NPR3: variants seen among roughly 807,000 people sequenced by gnomAD.
NPR3 encodes natriuretic peptide receptor 3.
NPR3 carries 34 observed loss-of-function variants against 54.5 expected under a neutral mutation model. The observed-to-expected ratio is 0.62, with a 90% CI of 0.47 to 0.83. The LOEUF (loss-of-function observed/expected upper bound fraction) is 0.83. NPR3 is among the 40% of genes least tolerant of loss of function. The pLI is 0.00. For missense variants in NPR3, 674 were observed against 720.8 expected, an observed-to-expected ratio of 0.94 and a Z score of 0.74; for synonymous variants, 289 against 297.1, an observed-to-expected ratio of 0.97 and a Z score of 0.28.
At chr5:32,740,431 CA>C (rs1739978000) in intron 3 of NPR3, among the ~76,000 whole-genome samples, 1 of 152,132 alleles carries the variant, frequency 6.6e-6, no homozygotes, top group South Asian at 2.1e-4. Flanking sequence ...AAATGACATA[CA>C]AAGGTTCTTA....
chr5:32,765,246 T>C (rs1347052839), intron 3 of NPR3, among the ~76,000 whole-genome samples: 1 of 152,164 alleles, frequency 6.6e-6, no homozygotes, highest in Non-Finnish European at 1.5e-5. Context: ...ATTCAAGACA[T>C]GGTCAAGAGC....
At chr5:32,759,707 T>C (rs1741051115) in intron 3 of NPR3, among the ~76,000 whole-genome samples, 1 of 152,208 alleles carries the variant, frequency 6.6e-6, no homozygotes, top group Non-Finnish European at 1.5e-5. Flanking sequence ...GCATCAGTGG[T>C]CCTTACAATT....
chr5:32,691,732 C>T (rs186713216), intron 1 of NPR3, among the ~76,000 whole-genome samples: 6 of 152,258 alleles, frequency 3.9e-5, no homozygotes, highest in East Asian at 1.9e-4. Context: ...AAAATGCTCA[C>T]GTAAGTCTAA....
chr5:32,780,975 C>T (rs1742308533), intron 5 of NPR3, among the ~76,000 whole-genome samples, 159 bp downstream of exon 5: 1 of 152,170 alleles, frequency 6.6e-6, no homozygotes, highest in African/African-American at 2.4e-5. Flanking sequence ...AGGAAGACTT[C>T]AGGAAATGGT....
chr5:32,735,108 G>T (rs950000355), intron 2 of NPR3, among the ~76,000 whole-genome samples: 1 of 152,120 alleles, frequency 6.6e-6, no homozygotes, highest in East Asian at 1.9e-4. Context: ...CACCCAGCAC[G>T]GTCTCTAGTC....
intron 2 of NPR3, among the ~76,000 whole-genome samples, chr5:32,734,962 C>T (rs1024946491): frequency 1.3e-5 from 2 of 152,176 alleles, no homozygotes; most frequent in Non-Finnish European, 2.9e-5. Context: ...TCTGTTTCCT[C>T]TTACTCCTCT....
intron 1 of NPR3, among the ~76,000 whole-genome samples, chr5:32,723,856 T>A (rs1194954423): frequency 1.3e-5 from 2 of 151,786 alleles, no homozygotes; most frequent in Non-Finnish European, 2.9e-5. Flanking sequence ...TTCTCCCCTC[T>A]TCTCCCCTCC....
intron 3 of NPR3, among the ~76,000 whole-genome samples, chr5:32,747,534 C>T (rs1228332349): frequency 6.6e-6 from 1 of 151,980 alleles, no homozygotes; most frequent in African/African-American, 2.4e-5. Context: ...GCTTCTGTGC[C>T]TATGTAGTTC....
intron 3 of NPR3, among the ~76,000 whole-genome samples, chr5:32,757,796 C>T (rs1363621490): frequency 3.9e-5 from 6 of 152,018 alleles, no homozygotes; most frequent in Admixed American, 6.6e-5. Flanking sequence ...ATTTATTGAG[C>T]GTTTTTAGCA....
At chr5:32,786,069 C>T (rs1742600164) in intron 7 of NPR3, among the ~76,000 whole-genome samples, 165 bp from the exon 8 acceptor site, 1 of 152,188 alleles carries the variant, frequency 6.6e-6, no homozygotes, top group South Asian at 2.1e-4. Context: ...ATAAGGGCAC[C>T]ATGCCTGGGG....
chr5:32,759,205 G>C (rs890645474), intron 3 of NPR3, among the ~76,000 whole-genome samples: 1 of 152,146 alleles, frequency 6.6e-6, no homozygotes, highest in Non-Finnish European at 1.5e-5. Context: ...ACAGTGGGGT[G>C]TTAAAGTTTC....
At chr5:32,714,899 A>C (rs1174724574) in intron 1 of NPR3, among the ~76,000 whole-genome samples, 1 of 152,128 alleles carries the variant, frequency 6.6e-6, no homozygotes, top group Non-Finnish European at 1.5e-5. Context: ...ACTGCTATGA[A>C]ACCTCTGTAC....
rs915802421 is a variant in NPR3 at position 32,790,043 on chromosome 5, A to C, written c.*3698A>C. On this transcript the variant is annotated 3_prime_UTR_variant, in exon 8 of 8. Coordinates refer to ENST00000265074, the MANE Select transcript of NPR3 (RefSeq NM_001204375.2). ...CATTTCATGGGTTTTATTTAATCAC[A>C]CCCCATGGTTTGGGGCTACATGAGG... 20 of 217,810 alleles carry C rather than the reference A, an allele frequency of 9.2e-5. No homozygotes were observed. The highest frequency in any genetic ancestry group is 4.4e-4 in the African/African-American group (19 of 43,152). 13.5% of individuals were successfully genotyped at this position (217,810 alleles called of 1,614,324 possible). A position where few individuals can be genotyped will look rare whatever the true frequency, so the allele number is the denominator to read the frequency against.
intron 2 of NPR3, among the ~76,000 whole-genome samples, chr5:32,728,831 GTGTGTGTA>G (rs1182103043): frequency 5.5e-4 from 35 of 63,966 alleles, no homozygotes; most frequent in African/African-American, 2.1e-3. Flanking sequence ...GTGTGTGTGT[GTGTGTGTA>G]TATATATATA....
rs558705608 is a variant in NPR3 at position 32,723,937 on chromosome 5, C to T, written c.770-761C>T. 1.3e-3 allele frequency among the ~76,000 whole-genome samples: 192 copies of T among 151,936 alleles called. 1 individual carries two copies. The highest frequency in any genetic ancestry group is 1.6e-3 in the Non-Finnish European group (108 of 67,916). ...TCTTTTCTACCCATCTACCTATCAT[C>T]TATCAATCAATCAATATATGTGTAC... is the stretch of plus-strand genomic sequence containing the variant. On this transcript the variant is annotated intron_variant, in intron 1 of 7. Transcript: ENST00000265074.
chr5:32,706,372 G>A (rs914994650), upstream of NPR3, among the ~76,000 whole-genome samples: 6 of 152,118 alleles, frequency 3.9e-5, no homozygotes, highest in African/African-American at 1.4e-4. Context: ...ATACACAGGG[G>A]GATGAAACAC....
chr5:32,720,287 G>A (rs962135631), intron 1 of NPR3, among the ~76,000 whole-genome samples: 2 of 152,172 alleles, frequency 1.3e-5, no homozygotes, highest in African/African-American at 4.8e-5. Flanking sequence ...CTCTTGTTGC[G>A]GGTGAGGGGA....
intron 3 of NPR3, among the ~76,000 whole-genome samples, chr5:32,751,545 C>T (rs1740575515): frequency 6.6e-6 from 1 of 152,100 alleles, no homozygotes; most frequent in Non-Finnish European, 1.5e-5. Context: ...ATTTTATAAC[C>T]TTGGATATTT....
Position 32,789,543 on chromosome 5 carries a change from C to T in NPR3, c.*3198C>T, listed in dbSNP as rs747766357. 1 of 534,710 alleles carries T rather than the reference C, an allele frequency of 1.9e-6. No homozygotes were observed. The highest frequency in any genetic ancestry group is 1.4e-5 in the South Asian group (1 of 71,592). 33.1% of individuals were successfully genotyped at this position (534,710 alleles called of 1,614,324 possible). A position where few individuals can be genotyped will look rare whatever the true frequency, so the allele number is the denominator to read the frequency against. On this transcript the variant is annotated 3_prime_UTR_variant, in exon 8 of 8. Coordinates refer to ENST00000265074, the MANE Select transcript of NPR3 (RefSeq NM_001204375.2). ...GTTTAATGGAGGGAAGAGAGAAATG[C>T]ATGGGAAAAGAACACCTCCTTTTCT...
Sources: gnomAD v4.1 joint callset for allele counts (sites outside exome capture counted in the v4.1 genomes callset) on GRCh38, gnomAD v4.1.1 for gene constraint, MANE v1.5 for transcripts, NCBI Gene and HGNC (gene_info 2026-07-23, HGNC 2026-07-21) for gene names.